The following FAR2 variants were observed in gnomAD, a reference collection of about 807,000 sequenced individuals.
The protein encoded by FAR2 is epididymis secretory protein Li 81.
FAR2 carries 19 observed loss-of-function variants against 56.0 expected under a neutral mutation model. The observed-to-expected ratio is 0.34, with a 90% CI of 0.24 to 0.50. The LOEUF (loss-of-function observed/expected upper bound fraction) is 0.50, where lower values mean the gene tolerates loss of function less well. Ranked by LOEUF, FAR2 falls within the 20% of genes least tolerant of loss-of-function variation. The pLI, the probability that FAR2 is intolerant of heterozygous loss-of-function variation, is 0.98. For synonymous variants in FAR2, 219 were observed against 218.8 expected (o/e 1.00, Z -0.01); for missense variants, 508 against 642.2 (o/e 0.79, Z 2.26).
At chr12:29,173,211 A>G (rs1013145857) in intron 1 of FAR2, among the ~76,000 whole-genome samples, 2 of 152,174 alleles carry the variant, frequency 1.3e-5, no homozygotes, top group African/African-American at 4.8e-5. Context: ...GGGGACGTGT[A>G]CCCGGGTTGG....
At chr12:29,219,219 C>T (rs76218498) in intron 1 of FAR2, among the ~76,000 whole-genome samples, 8,113 of 152,132 alleles carry the variant, frequency 0.053, 328 homozygotes, top group South Asian at 0.16. Context: ...CAGATAGGTA[C>T]TATTATTACC....
chr12:29,268,933 A>G (rs1162822121), intron 1 of FAR2, among the ~76,000 whole-genome samples: 1 of 152,180 alleles, frequency 6.6e-6, no homozygotes, highest in Non-Finnish European at 1.5e-5. Flanking sequence ...CACAGACATC[A>G]AGTCCTTTAC....
At chr12:29,249,587 A>G (rs1231888017) in intron 1 of FAR2, among the ~76,000 whole-genome samples, 1 of 152,226 alleles carries the variant, frequency 6.6e-6, no homozygotes, top group Non-Finnish European at 1.5e-5. Flanking sequence ...TTCATAGTAA[A>G]TAGGTAGAAG....
At chr12:29,186,263 C>T (rs545882369) in intron 1 of FAR2, among the ~76,000 whole-genome samples, 5 of 152,190 alleles carry the variant, frequency 3.3e-5, no homozygotes, top group Non-Finnish European at 5.9e-5. Context: ...CCAGTAGCCA[C>T]ATGTGCCTAG....
intron 1 of FAR2, among the ~76,000 whole-genome samples, chr12:29,195,409 C>T (rs1183183120): frequency 5.9e-5 from 9 of 152,164 alleles, no homozygotes. Context: ...ACTGACCCTA[C>T]TCTTCCATGT....
rs890268352 is a variant in FAR2, at chr12:29,215,692, A to G, written c.-38-54720A>G. Among the ~76,000 whole-genome samples, 4 of 152,300 alleles carry G rather than the reference A, an allele frequency of 2.6e-5. No individual in the cohort carries two copies. The South Asian group carries it at 8.3e-4, about 32-fold the overall frequency. ...TTATCATTAAATATTTTAGAATCCA[A>G]ACCACAGATTCTATGTTGGTTCCAC... On this transcript the variant is annotated intron_variant, in intron 1 of 11. Transcript: ENST00000536681.
At chr12:29,166,095 A>C (rs1430214471) in intron 1 of FAR2, among the ~76,000 whole-genome samples, 1 of 152,216 alleles carries the variant, frequency 6.6e-6, no homozygotes, top group Non-Finnish European at 1.5e-5. Flanking sequence ...CATCTACACT[A>C]TTTATCTCCC....
Position 29,335,307 on chromosome 12 carries a change from A to T in FAR2, c.*1513A>T, listed in dbSNP as rs1254719884. The T allele has an allele frequency of 6.6e-6, 1 of 152,160 alleles. No individual in the cohort carries two copies. Among genetic ancestry groups the T allele is most frequent in the Non-Finnish European group, 1.5e-5 (1 of 68,032 alleles). 9.4% of individuals were successfully genotyped at this position (152,160 alleles called of 1,614,324 possible). A position where few individuals can be genotyped will look rare whatever the true frequency, so the allele number is the denominator to read the frequency against. ...CATTTTGGAGGAACTCTTCTGGGCAATATCTTTCCCAATCTCATCTAAATT... is the reference window on the plus strand; with the variant it reads ...CATTTTGGAGGAACTCTTCTGGGCATTATCTTTCCCAATCTCATCTAAATT... On this transcript the variant is annotated 3_prime_UTR_variant, in exon 12 of 12. Coordinates refer to ENST00000536681, the MANE Select transcript of FAR2 (RefSeq NM_001271783.2).
At position 29,332,608 on chromosome 12, in the gene FAR2, C is replaced by T. The variant is rs1459013113; in HGVS notation, c.1266C>T (p.Asn422=). ...TCTCTCTTGCCTCTCAGGTATTCAA[C>T]TTTGACGTGCGCCAGTTGAACTGGT... ...ELSPEDQRVF[N]FDVRQLNWLE... The change falls in exon 11 of 12, where the codon AAC becomes AAT. Residue 422 remains asparagine (N), a synonymous_variant. Transcript: ENST00000536681. 6.8e-6 allele frequency: 11 copies of T among 1,613,556 alleles called. No homozygotes were observed. Among genetic ancestry groups the T allele is most frequent in the Non-Finnish European group, 7.6e-6 (9 of 1,179,702 alleles).
intron 1 of FAR2, among the ~76,000 whole-genome samples, chr12:29,231,456 C>G (rs1341013550): frequency 6.6e-6 from 1 of 152,052 alleles, no homozygotes; most frequent in Non-Finnish European, 1.5e-5. Context: ...GATTAAGATG[C>G]CTATGTAAAA....
intron 1 of FAR2, among the ~76,000 whole-genome samples, chr12:29,195,552 A>G (rs764256116): frequency 6.6e-6 from 1 of 152,264 alleles, no homozygotes; most frequent in Non-Finnish European, 1.5e-5. Context: ...ACTGTGGCTG[A>G]TGGTCCTATA....
At position 29,185,094 on chromosome 12, in the gene FAR2, G is replaced by A. The variant is rs571348183; in HGVS notation, c.-39+35687G>A. On this transcript the variant is annotated intron_variant, in intron 1 of 11. Coordinates refer to ENST00000536681, the MANE Select transcript of FAR2 (RefSeq NM_001271783.2). ...TGATATCATATAGTTATTTTTAAAT[G>A]TAATTTATTACCTCAGTAAGACATA... Among the ~76,000 whole-genome samples the A allele has an allele frequency of 2.1e-3, 316 of 152,210 alleles. 3 individuals carry two copies. Among genetic ancestry groups the A allele is most frequent in the African/African-American group, 7.1e-3 (294 of 41,536 alleles).
At position 29,180,721 on chromosome 12, in the gene FAR2, T is replaced by TTATCTATCTATC. The variant is rs59448421; in HGVS notation, c.-39+31354_-39+31365dup. Reference sequence around the variant, plus strand: ...TAAGATCACATGTATTATTCATTGTTTATCTATCTATCTATCTATCTATCT... The same window carrying TTATCTATCTATC: ...TAAGATCACATGTATTATTCATTGTTTATCTATCTATCTATCTATCTATCTATCTATCTATCT... On this transcript the variant is annotated intron_variant, in intron 1 of 11. Transcript: ENST00000536681. 4.1e-3 allele frequency among the ~76,000 whole-genome samples: 599 copies of TTATCTATCTATC among 146,594 alleles called. 1 individual carries two copies. Among genetic ancestry groups the TTATCTATCTATC allele is most frequent in the East Asian group, 6.3e-3 (31 of 4,938 alleles).
intron 8 of FAR2, among the ~76,000 whole-genome samples, chr12:29,312,839 C>G (rs542071676): frequency 7.2e-5 from 11 of 152,220 alleles, no homozygotes; most frequent in African/African-American, 2.6e-4. Context: ...AGCCATGGTG[C>G]CACACTGAGA....
At chr12:29,215,113 A>G (rs373218036) in intron 1 of FAR2, among the ~76,000 whole-genome samples, 2 of 152,210 alleles carry the variant, frequency 1.3e-5, no homozygotes, top group African/African-American at 4.8e-5. Context: ...TAAAGGACCT[A>G]CAGTGTAGTC....
rs555097941 is a variant in FAR2, at chr12:29,187,195, C to G, written c.-39+37788C>G. 1.9e-3 allele frequency among the ~76,000 whole-genome samples: 287 copies of G among 152,224 alleles called. 3 individuals are homozygous for G. Among genetic ancestry groups the G allele is most frequent in the African/African-American group, 6.7e-3 (277 of 41,526 alleles). On this transcript the variant is annotated intron_variant, in intron 1 of 11. Transcript: ENST00000536681. ...CCTCCAGCTAATAAAGTATTTATGT[C>G]TTAACCCTTTTTTTTACAATATCAA...
chr12:29,250,216 A>G (rs963809864), intron 1 of FAR2, among the ~76,000 whole-genome samples: 3 of 152,154 alleles, frequency 2.0e-5, no homozygotes, highest in Non-Finnish European at 4.4e-5. Flanking sequence ...TTCACTATGT[A>G]TGTATTAATA....
At chr12:29,257,684 G>A (rs1948347864) in intron 1 of FAR2, among the ~76,000 whole-genome samples, 1 of 151,932 alleles carries the variant, frequency 6.6e-6, no homozygotes, top group Admixed American at 6.5e-5. Context: ...CTTAAGAGCT[G>A]TAACACTCAC....
intron 2 of FAR2, among the ~76,000 whole-genome samples, chr12:29,279,786 C>T (rs1948758586): frequency 6.6e-6 from 1 of 152,026 alleles, no homozygotes; most frequent in Non-Finnish European, 1.5e-5. Context: ...GGTAGAGAGA[C>T]CATGGCCTAG....
Sources: allele counts gnomAD v4.1 joint callset (sites outside exome capture counted in the v4.1 genomes callset), GRCh38; gene constraint gnomAD v4.1.1; transcripts MANE v1.5; gene names NCBI Gene and HGNC (gene_info 2026-07-23, HGNC 2026-07-21).